RBM20: variants seen among roughly 807,000 people sequenced by gnomAD.
RBM20 encodes the protein RNA binding motif protein 20, also known as RNA-binding protein 20.
RBM20 carries 51 observed loss-of-function variants against 110.1 expected under a neutral mutation model. That is an observed-to-expected ratio of 0.46 (90% CI 0.37 to 0.59). The LOEUF is 0.59. RBM20 is among the 20% of genes least tolerant of loss of function. The pLI, the probability that RBM20 is intolerant of heterozygous loss-of-function variation, is 0.00. For synonymous variants in RBM20, 589 were observed against 618.2 expected, an observed-to-expected ratio of 0.95 and a Z score of 0.70; for missense variants, 1,512 against 1,574.9, an observed-to-expected ratio of 0.96 and a Z score of 0.68.
chr10:110,758,939 T>A (rs1057078750), intron 1 of RBM20, among the ~76,000 whole-genome samples: 1 of 152,042 alleles, frequency 6.6e-6, no homozygotes, highest in Non-Finnish European at 1.5e-5. Flanking sequence ...ATCTGGAAAA[T>A]TTAATGATGT....
intron 1 of RBM20, among the ~76,000 whole-genome samples, chr10:110,752,947 T>TATATATATATATATATA (rs1564835271): frequency 1.1e-5 from 1 of 91,598 alleles, no homozygotes; most frequent in African/African-American, 4.4e-5. Context: ...ATATATATAT[T>TATATATATATATATATA]TTTTTTTTTT....
intron 1 of RBM20, among the ~76,000 whole-genome samples, chr10:110,699,031 AG>A (rs1382921484): frequency 6.6e-6 from 1 of 152,218 alleles, no homozygotes; most frequent in Non-Finnish European, 1.5e-5. Flanking sequence ...ATAGAATGTC[AG>A]GACCTAAGCT....
At chr10:110,753,982 C>T (rs1355170615) in intron 1 of RBM20, among the ~76,000 whole-genome samples, 2 of 152,076 alleles carry the variant, frequency 1.3e-5, no homozygotes, top group African/African-American at 4.8e-5. Context: ...CCAAATCTAC[C>T]CATCTAGGTT....
At chr10:110,788,345 C>T (rs749736217) in intron 5 of RBM20, among the ~76,000 whole-genome samples, 4 of 152,252 alleles carry the variant, frequency 2.6e-5, no homozygotes, top group South Asian at 2.1e-4. Context: ...CCACATTCTT[C>T]TGCACCCTGA....
intron 13 of RBM20, chr10:110,831,420 A>G (rs910116423): frequency 1.6e-5 from 7 of 434,542 alleles, no homozygotes; most frequent in Non-Finnish European, 2.5e-5. Flanking sequence ...TGATTCCATC[A>G]GGCTGCTCTC....
chr10:110,792,746 T>C (rs893553279), intron 5 of RBM20, among the ~76,000 whole-genome samples: 2 of 152,202 alleles, frequency 1.3e-5, no homozygotes, highest in African/African-American at 4.8e-5. Context: ...AGCAGAATTA[T>C]TCATGGAGCT....
chr10:110,665,677 TATATG>T (rs1463716763), intron 1 of RBM20, among the ~76,000 whole-genome samples: 1 of 151,632 alleles, frequency 6.6e-6, no homozygotes, highest in Non-Finnish European at 1.5e-5. Context: ...ATCTATGATA[TATATG>T]ATAACTAAGA....
chr10:110,781,347 T>C lies in RBM20; in HGVS notation c.738T>C (p.Gly246=). The C allele has an allele frequency of 6.4e-7, 1 of 1,551,708 alleles. No homozygotes were observed. ...SGQTYGPETD[G]QPGFLPSSAS... ...AGACATATGGCCCTGAAACAGATGG[T>C]CAGCCTGGCTTCCTGCCATCCTCGG... is the stretch of plus-strand genomic sequence containing the variant. The change falls in exon 2 of 14, where the codon GGT becomes GGC. Residue 246 remains glycine, a synonymous_variant. Transcript: ENST00000369519.
chr10:110,659,851 C>T (rs1019803031), intron 1 of RBM20, among the ~76,000 whole-genome samples: 8 of 144,762 alleles, frequency 5.5e-5, no homozygotes, highest in African/African-American at 1.5e-4. Flanking sequence ...CTTCTTCTTC[C>T]TCTTCTTTTT....
rs1843789434 is a variant in RBM20, at chr10:110,747,059, C to A, written c.192-33742C>A. On this transcript the variant is annotated intron_variant, in intron 1 of 13. Transcript: ENST00000369519. Reference sequence around the variant, plus strand: ...CATTGTATTGTGCCAGTGTCAATTTCCTGGTTTTGATCATGTAATATAGTG... The same window carrying A: ...CATTGTATTGTGCCAGTGTCAATTTACTGGTTTTGATCATGTAATATAGTG... Among the ~76,000 whole-genome samples the A allele has an allele frequency of 2.0e-5, 3 of 152,048 alleles. No individual in the cohort carries two copies. The South Asian group carries it at 6.2e-4, about 32-fold the overall frequency.
intron 12 of RBM20, among the ~76,000 whole-genome samples, chr10:110,827,129 C>T (rs1844991837): frequency 6.6e-6 from 1 of 152,108 alleles, no homozygotes; most frequent in Admixed American, 6.5e-5. Flanking sequence ...AGTCCAGAGA[C>T]TTACCCAGGA....
chr10:110,684,540 AT>A (rs1862473526), intron 1 of RBM20, among the ~76,000 whole-genome samples: 1 of 152,220 alleles, frequency 6.6e-6, no homozygotes, highest in Admixed American at 6.5e-5. Flanking sequence ...GGAGTTTCTG[AT>A]TTGTCTTGGT....
rs1289024098 is a variant in RBM20 at position 110,812,832 on chromosome 10, C to G, written c.2435C>G (p.Thr812Ser). 3 of 1,538,292 alleles carry G rather than the reference C, an allele frequency of 2.0e-6. No homozygotes were observed. The South Asian group carries it at 3.6e-5, about 19-fold the overall frequency. The change falls in exon 9 of 14, where the codon ACT (threonine) becomes AGT (serine). Residue 812 changes from threonine to serine, a missense_variant. By Grantham distance (58) the Thr-to-Ser change is moderately conservative (BLOSUM62 1). This residue lies in a region of RBM20 where 1,149 missense variants were observed against 1,169.4 expected (regional missense o/e 0.98). Coordinates refer to ENST00000369519, the MANE Select transcript of RBM20 (RefSeq NM_001134363.3). ...GAAGATGGGCTGGGGCCAAAGGTCA[C>G]TAGGGCCCCTGAGGGCGCCAAGGCC... ...GKEDGLGPKV[T>S]RAPEGAKAKQ...
intron 1 of RBM20, among the ~76,000 whole-genome samples, chr10:110,710,969 G>A (rs906542949): frequency 2.6e-5 from 4 of 152,022 alleles, no homozygotes; most frequent in African/African-American, 7.2e-5. Flanking sequence ...AAGGGAATCC[G>A]GATTTCTCCA....
chr10:110,687,824 A>G (rs1325599534), intron 1 of RBM20, among the ~76,000 whole-genome samples: 1 of 152,204 alleles, frequency 6.6e-6, no homozygotes, highest in African/African-American at 2.4e-5. Flanking sequence ...TTTTTTAAAA[A>G]TGTTGCATCA....
At chr10:110,763,751 CTTT>C (rs56845100) in intron 1 of RBM20, among the ~76,000 whole-genome samples, 1 of 64,384 alleles carries the variant, frequency 1.6e-5, no homozygotes, top group Non-Finnish European at 2.9e-5. Context: ...GGCTTCTTGG[CTTT>C]TTTTTTTTTT....
intron 1 of RBM20, among the ~76,000 whole-genome samples, chr10:110,753,582 G>A (rs931865128): frequency 6.6e-6 from 1 of 152,100 alleles, no homozygotes; most frequent in Non-Finnish European, 1.5e-5. Context: ...AAAACTCCTG[G>A]ATTTCACTTC....
intron 1 of RBM20, among the ~76,000 whole-genome samples, chr10:110,706,970 C>T (rs1045053187): frequency 2.0e-5 from 3 of 152,064 alleles, no homozygotes; most frequent in African/African-American, 4.8e-5. Flanking sequence ...TCATGTTGAA[C>T]GTGGAAAAAC....
chr10:110,830,302 G>A (rs1169402346), intron 12 of RBM20, among the ~76,000 whole-genome samples: 2 of 152,212 alleles, frequency 1.3e-5, no homozygotes, highest in African/African-American at 2.4e-5. Flanking sequence ...CTCCTCTCTG[G>A]CGGTGGTGCC....
Sources: allele counts gnomAD v4.1 joint callset (sites outside exome capture counted in the v4.1 genomes callset), GRCh38; gene constraint gnomAD v4.1.1; regional missense constraint gnomAD v4.1.1; transcripts MANE v1.5; gene names NCBI Gene and HGNC (gene_info 2026-07-23, HGNC 2026-07-21).